The following HIPK3 variants were observed in gnomAD, a reference collection of about 807,000 sequenced individuals.
HIPK3 encodes the protein homeodomain interacting protein kinase 3.
A neutral mutation model predicts 124.2 loss-of-function variants in HIPK3; 47 were observed. The observed-to-expected ratio is 0.38, with a 90% CI of 0.30 to 0.48. HIPK3 has a LOEUF of 0.48. Among genes scored for constraint, HIPK3 ranks in the 20% least tolerant of loss-of-function variants. HIPK3 has a pLI of 0.98. For missense variants in HIPK3, 1,286 were observed against 1,454.3 expected (o/e 0.88, Z 1.88); for synonymous variants, 482 against 515.2 (o/e 0.94, Z 0.87).
chr11:33,319,348 T>C (rs1590396772), intron 2 of HIPK3, among the ~76,000 whole-genome samples: 1 of 152,100 alleles, frequency 6.6e-6, no homozygotes, highest in African/African-American at 2.4e-5. Flanking sequence ...TACAAAAAAT[T>C]AGCTGGGTGT....
At chr11:33,263,082 C>G (rs192567486) in intron 1 of HIPK3, among the ~76,000 whole-genome samples, 1 of 152,288 alleles carries the variant, frequency 6.6e-6, no homozygotes, top group African/African-American at 2.4e-5. Context: ...GTTGCTCTGG[C>G]TGGTCTTGAA....
chr11:33,346,572 A>T (rs924675228), intron 8 of HIPK3, among the ~76,000 whole-genome samples: 1 of 152,228 alleles, frequency 6.6e-6, no homozygotes, highest in Non-Finnish European at 1.5e-5. Flanking sequence ...AACTAAGCAT[A>T]GCTAAAAGTT....
Position 33,356,000 on chromosome 11 carries a change from A to G in HIPK3, c.*2432A>G, listed in dbSNP as rs1328676099. 6.6e-6 allele frequency: 1 copy of G among 152,014 alleles called. No homozygotes were observed. The highest frequency in any genetic ancestry group is 1.5e-5 in the Non-Finnish European group (1 of 67,880). 9.4% of individuals were successfully genotyped at this position (152,014 alleles called of 1,614,324 possible). A position where few individuals can be genotyped will look rare whatever the true frequency, so the allele number is the denominator to read the frequency against. ...TCCAGCAGATTATTAGGATCTGCTT[A>G]CTTCTTAGGAAAGAATCAATGCTGG... On this transcript the variant is annotated 3_prime_UTR_variant, in exon 17 of 17. Coordinates refer to ENST00000303296, the MANE Select transcript of HIPK3 (RefSeq NM_005734.5).
rs146323020 is a variant in HIPK3, at chr11:33,353,148, A to G, written c.3228A>G (p.Arg1076=). The part of the protein sequence containing the change: ...QEWNGNFGHR[R]QQAYIPTSVT... Reference sequence around the variant, plus strand: ...GGAATGGAAACTTTGGGCACAGAAGACAGCAAGCTTATATTCCTACTAGTG... The same window carrying G: ...GGAATGGAAACTTTGGGCACAGAAGGCAGCAAGCTTATATTCCTACTAGTG... The change falls in exon 17 of 17, where the codon AGA becomes AGG. Residue 1076 remains arginine, a synonymous_variant. Coordinates refer to ENST00000303296, the MANE Select transcript of HIPK3 (RefSeq NM_005734.5). 1.4e-4 allele frequency: 229 copies of G among 1,613,930 alleles called. No individual in the cohort carries two copies. In the African/African-American group the frequency reaches 2.7e-3, roughly 19 times the overall value.
At chr11:33,320,390 G>T (rs768632306) in intron 2 of HIPK3, among the ~76,000 whole-genome samples, 6 of 152,164 alleles carry the variant, frequency 3.9e-5, no homozygotes, top group Non-Finnish European at 8.8e-5. Flanking sequence ...AACAGTAAAG[G>T]TGGTTACATT....
chr11:33,267,504 T>TA (rs1179414332), intron 1 of HIPK3, among the ~76,000 whole-genome samples: 6 of 148,684 alleles, frequency 4.0e-5, no homozygotes, highest in South Asian at 2.1e-4. Context: ...TTATTATTAT[T>TA]TTTTTTTTTG....
At chr11:33,340,238 C>T (rs564932544) in intron 6 of HIPK3, among the ~76,000 whole-genome samples, 19 of 152,248 alleles carry the variant, frequency 1.2e-4, no homozygotes, top group African/African-American at 4.6e-4. Context: ...CATACGCCAC[C>T]ATGCCTGGCA....
At chr11:33,302,354 T>TTTTTTTTTTTTTTTA (rs78570889) in intron 2 of HIPK3, among the ~76,000 whole-genome samples, 1 of 149,584 alleles carries the variant, frequency 6.7e-6, no homozygotes. Flanking sequence ...TTTTTTTTTT[T>TTTTTTTTTTTTTTTA]TTGAGAAGGA....
intron 2 of HIPK3, among the ~76,000 whole-genome samples, chr11:33,302,053 A>C (rs1350262552): frequency 6.6e-6 from 1 of 152,202 alleles, no homozygotes; most frequent in African/African-American, 2.4e-5. Context: ...TTTACCATGT[A>C]CTAAATTCTA....
chr11:33,317,479 G>A (rs928872219), intron 2 of HIPK3, among the ~76,000 whole-genome samples: 8 of 150,884 alleles, frequency 5.3e-5, no homozygotes, highest in Non-Finnish European at 1.0e-4. Flanking sequence ...ATTATCTGAG[G>A]TGGTCTTGAC....
chr11:33,335,305 A>G (rs571567246), intron 3 of HIPK3, among the ~76,000 whole-genome samples: 71 of 152,154 alleles, frequency 4.7e-4, no homozygotes, highest in Non-Finnish European at 9.0e-4. Context: ...AAGAAAGACA[A>G]GACTCTGGAA....
intron 1 of HIPK3, among the ~76,000 whole-genome samples, chr11:33,274,403 A>G (rs1457900095): frequency 1.3e-5 from 2 of 152,206 alleles, no homozygotes; most frequent in Non-Finnish European, 2.9e-5. Context: ...GTAGAAAGCA[A>G]TACATTTGGC....
chr11:33,277,997 CTA>C (rs1049081949), intron 1 of HIPK3, among the ~76,000 whole-genome samples: 1 of 152,176 alleles, frequency 6.6e-6, no homozygotes, highest in Admixed American at 6.5e-5. Flanking sequence ...AATAACTTCT[CTA>C]TGTCAGTGGC....
rs932301424 is a variant in HIPK3 at position 33,356,968 on chromosome 11, T to C, written c.*3400T>C. ...ATTTTGGTGAGTGTCAAAATAAGAATTTATGGTGTATTACTGTCGATTCAC... is the reference window on the plus strand; with the variant it reads ...ATTTTGGTGAGTGTCAAAATAAGAACTTATGGTGTATTACTGTCGATTCAC... On this transcript the variant is annotated 3_prime_UTR_variant, in exon 17 of 17. Transcript: ENST00000303296. 2.6e-5 allele frequency: 4 copies of C among 152,128 alleles called. No individual in the cohort carries two copies. The highest frequency in any genetic ancestry group is 5.9e-5 in the Non-Finnish European group (4 of 67,964). The allele number at this position is 152,128 out of a possible 1,614,324, so 9.4% of individuals were successfully genotyped here.
chr11:33,257,179 T>G, upstream of HIPK3: 1 of 941,972 alleles, frequency 1.1e-6, no homozygotes, highest in Non-Finnish European at 1.3e-6. Flanking sequence ...CCGCACGGGC[T>G]GGCAGGCGGG....
At chr11:33,288,018 C>A (rs1851602451) in intron 2 of HIPK3, among the ~76,000 whole-genome samples, 1 of 152,140 alleles carries the variant, frequency 6.6e-6, no homozygotes, top group South Asian at 2.1e-4. Context: ...ATTTGCACTG[C>A]CAACTAGTTA....
chr11:33,325,690 A>G (rs189220558), intron 2 of HIPK3, among the ~76,000 whole-genome samples: 189 of 152,288 alleles, frequency 1.2e-3, no homozygotes, highest in Non-Finnish European at 2.2e-3. Context: ...TTATTTGAGA[A>G]ATGTTTACTG....
intron 2 of HIPK3, among the ~76,000 whole-genome samples, chr11:33,290,545 C>T (rs1851671263): frequency 1.3e-5 from 2 of 150,080 alleles, no homozygotes; most frequent in Non-Finnish European, 3.0e-5. Context: ...TAGTAAATGA[C>T]TTCACTTCAT....
At chr11:33,342,614 G>T (rs546560684) in intron 8 of HIPK3, among the ~76,000 whole-genome samples, 4 of 150,636 alleles carry the variant, frequency 2.7e-5, no homozygotes, top group East Asian at 3.9e-4. Context: ...CACTATCTCG[G>T]CGCACTGCAA....
Sources: gnomAD v4.1 joint callset for allele counts (sites outside exome capture counted in the v4.1 genomes callset) on GRCh38, gnomAD v4.1.1 for gene constraint, MANE v1.5 for transcripts, NCBI Gene and HGNC (gene_info 2026-07-23, HGNC 2026-07-21) for gene names.